The following PIR variants were observed in gnomAD, a reference collection of about 807,000 sequenced individuals.
PIR encodes pirin.
A neutral mutation model predicts 24.2 loss-of-function variants in PIR; 22 were observed. The observed-to-expected ratio is 0.91, with a 90% CI of 0.65 to 1.30. The LOEUF (loss-of-function observed/expected upper bound fraction) is 1.30, where lower values mean the gene tolerates loss of function less well. Ranked by LOEUF, PIR falls within the 50% of genes most tolerant of loss-of-function variation. The pLI is 0.00. For missense variants in PIR, 220 were observed against 220.3 expected, an observed-to-expected ratio of 1.00 and a Z score of 0.01; for synonymous variants, 80 against 79.6, an observed-to-expected ratio of 1.00 and a Z score of -0.03.
At chrX:15,481,238 A>G (rs1453656685) in intron 2 of PIR, among the ~76,000 whole-genome samples, 1 of 112,657 alleles carries the variant, frequency 8.9e-6, no homozygotes, top group Non-Finnish European at 1.9e-5. Flanking sequence ...ACATTATATT[A>G]TGCAAAGGCT....
intron 5 of PIR, among the ~76,000 whole-genome samples, chrX:15,452,749 G>A (rs762092490): frequency 1.8e-5 from 2 of 112,196 alleles, no homozygotes; most frequent in Non-Finnish European, 3.8e-5. Flanking sequence ...TCACCTGGGA[G>A]CCTGTTAGAA....
chrX:15,490,510 C>T (rs1403244400), intron 2 of PIR, among the ~76,000 whole-genome samples: 1 of 111,830 alleles, frequency 8.9e-6, no homozygotes. Flanking sequence ...CCATCTGATA[C>T]CTTTCTGTGC....
intron 2 of PIR, among the ~76,000 whole-genome samples, chrX:15,485,665 C>T (rs1922769548): frequency 8.9e-6 from 1 of 112,093 alleles, no homozygotes. Context: ...AATTGATTAT[C>T]TTGCCAGAAA....
chrX:15,488,511 A>C (rs183817832), intron 2 of PIR, among the ~76,000 whole-genome samples: 2 of 111,222 alleles, frequency 1.8e-5, no homozygotes, highest in African/African-American at 6.5e-5. Flanking sequence ...TGGCATAACT[A>C]TTAAAATGAT....
At chrX:15,419,343 CTGTGTGTGTGTGTGTGTG>C (rs34664851) in intron 6 of PIR, among the ~76,000 whole-genome samples, 232 of 78,286 alleles carry the variant, frequency 3.0e-3, no homozygotes, top group Middle Eastern at 0.013. Context: ...ATGGATAAGT[CTGTGTGTGTGTGTGTGTG>C]TGTGTGTGTG....
intron 6 of PIR, among the ~76,000 whole-genome samples, chrX:15,409,248 G>A (rs746833178): frequency 2.4e-3 from 215 of 88,254 alleles, no homozygotes; most frequent in Non-Finnish European, 3.6e-3. Flanking sequence ...ACAGGCGCCC[G>A]CCACCATGCC....
At chrX:15,474,099 A>G (rs1044063529) in intron 3 of PIR, among the ~76,000 whole-genome samples, 1 of 112,366 alleles carries the variant, frequency 8.9e-6, no homozygotes. Flanking sequence ...AGAAAAAAAA[A>G]TGATTAGCAG....
intron 4 of PIR, among the ~76,000 whole-genome samples, chrX:15,456,273 G>A (rs1394218705): frequency 2.7e-5 from 3 of 112,061 alleles, no homozygotes; most frequent in African/African-American, 9.7e-5. Flanking sequence ...TCAACACATC[G>A]GAACTGGAAT....
intron 9 of PIR, 102 bp downstream of exon 9, chrX:15,390,083 G>C: frequency 2.6e-6 from 1 of 387,524 alleles, no homozygotes; most frequent in African/African-American, 2.6e-5. Context: ...GGAGAGACAG[G>C]ACAAAAAAAA....
chrX:15,418,321 A>G (rs1924994069), intron 6 of PIR, among the ~76,000 whole-genome samples: 1 of 111,995 alleles, frequency 8.9e-6, no homozygotes. Flanking sequence ...GAAAAGACTG[A>G]TATTTTCCTA....
intron 6 of PIR, among the ~76,000 whole-genome samples, chrX:15,411,900 C>T (rs1924754479): frequency 8.9e-6 from 1 of 112,242 alleles, no homozygotes; most frequent in African/African-American, 3.2e-5. Context: ...CCTAGATTCC[C>T]CCAAAGCTAA....
intron 3 of PIR, among the ~76,000 whole-genome samples, chrX:15,474,455 C>T (rs990501440): frequency 1.4e-4 from 16 of 112,517 alleles, no homozygotes; most frequent in Admixed American, 1.3e-3. Context: ...ATTTAGTTTG[C>T]TTTAACACCA....
At position 15,459,698 on chromosome X, in the gene PIR, A is replaced by C. The variant is rs1042818236; in HGVS notation, c.232T>G (p.Phe78Val). The change falls in exon 4 of 10, where the codon TTC becomes GTC. Residue 78 changes from phenylalanine (F) to valine (V), a missense_variant. Physicochemically the swap from Phe to Val is conservative, Grantham distance 50. Transcript: ENST00000380420. ...TTCATTTTACCAGTGTGTCCACAGA[A>C]GTCTTCATGGGCCATGCTGCCCCCT... ...LEGGSMAHEDFCGHTGKMNPG... is the reference protein window; with the variant it reads ...LEGGSMAHEDVCGHTGKMNPG... 2.5e-6 allele frequency: 3 copies of C among 1,199,493 alleles called. No individual in the cohort carries two copies. The highest frequency in any genetic ancestry group is 2.2e-5 in the Admixed American group (1 of 46,021).
At chrX:15,399,477 C>A (rs1924307088) in intron 7 of PIR, among the ~76,000 whole-genome samples, 1 of 111,576 alleles carries the variant, frequency 9.0e-6, no homozygotes, top group Non-Finnish European at 1.9e-5. Context: ...GAGTCAATGT[C>A]CTCCCAAGGG....
At chrX:15,399,997 G>A (rs142308682) in intron 7 of PIR, among the ~76,000 whole-genome samples, 37 of 111,471 alleles carry the variant, frequency 3.3e-4, no homozygotes, top group African/African-American at 1.1e-3. Context: ...CCTGATTCCC[G>A]TAGTGTGTGC....
chrX:15,386,710 G>A (rs919675993), intron 9 of PIR, among the ~76,000 whole-genome samples: 4 of 111,069 alleles, frequency 3.6e-5, no homozygotes, highest in African/African-American at 1.3e-4. Context: ...TATGCTGGAG[G>A]AATACTGGAG....
At chrX:15,395,888 C>T (rs1033847653) in intron 8 of PIR, among the ~76,000 whole-genome samples, 2 of 112,025 alleles carry the variant, frequency 1.8e-5, no homozygotes, top group Admixed American at 9.5e-5. Context: ...CATAACAGAA[C>T]GATGCCACTG....
At chrX:15,419,121 G>A (rs1438117271) in intron 6 of PIR, among the ~76,000 whole-genome samples, 1 of 108,583 alleles carries the variant, frequency 9.2e-6, no homozygotes, top group Non-Finnish European at 1.9e-5. Flanking sequence ...CTGGAAAGGT[G>A]GAAAAAAAAA....
At chrX:15,432,480 G>A (rs1207609608) in intron 5 of PIR, among the ~76,000 whole-genome samples, 1 of 111,933 alleles carries the variant, frequency 8.9e-6, no homozygotes, top group East Asian at 2.8e-4. Flanking sequence ...GAAGAGTTGA[G>A]GGTAAGAGAT....
Sources: gnomAD v4.1 joint callset for allele counts (sites outside exome capture counted in the v4.1 genomes callset) on GRCh38, gnomAD v4.1.1 for gene constraint, MANE v1.5 for transcripts, NCBI Gene and HGNC (gene_info 2026-07-23, HGNC 2026-07-21) for gene names.